LRBA: variants seen among roughly 807,000 people sequenced by gnomAD.
The protein encoded by LRBA is lipopolysaccharide-responsive and beige-like anchor protein.
In LRBA, 176 loss-of-function variants were observed where a neutral mutation model predicts 330.0. The observed-to-expected ratio is 0.53, with a 90% CI of 0.47 to 0.60. LRBA has a LOEUF of 0.60. Among genes scored for constraint, LRBA ranks in the 20% least tolerant of loss-of-function variants. The pLI, the probability that LRBA is intolerant of heterozygous loss-of-function variation, is 0.00. For missense variants in LRBA, 3,259 were observed against 3,444.8 expected, an observed-to-expected ratio of 0.95 and a Z score of 1.35; for synonymous variants, 1,230 against 1,193.0, an observed-to-expected ratio of 1.03 and a Z score of -0.64.
At chr4:150,993,292 A>C (rs948513056) in intron 2 of LRBA, among the ~76,000 whole-genome samples, 1 of 152,232 alleles carries the variant, frequency 6.6e-6, no homozygotes, top group African/African-American at 2.4e-5. Flanking sequence ...GCAGCAAATA[A>C]ATGTGTACAA....
intron 2 of LRBA, among the ~76,000 whole-genome samples, chr4:150,970,186 T>C (rs758103194): frequency 1.3e-5 from 2 of 152,086 alleles, no homozygotes; most frequent in Non-Finnish European, 2.9e-5. Flanking sequence ...TTTTTAGACA[T>C]AATGGTATTA....
chr4:150,421,158 A>AAAG (rs1748723828), intron 46 of LRBA, among the ~76,000 whole-genome samples: 1 of 128,844 alleles, frequency 7.8e-6, no homozygotes, highest in African/African-American at 2.9e-5. Context: ...TATATTATAT[A>AAAG]TAAAGTATAT....
chr4:150,512,560 C>A (rs1001982588), intron 40 of LRBA, among the ~76,000 whole-genome samples: 2 of 151,956 alleles, frequency 1.3e-5, no homozygotes, highest in African/African-American at 2.4e-5. Context: ...AATCAGGAGT[C>A]AGCAGTCTAG....
At chr4:150,829,559 C>T (rs926090307) in intron 29 of LRBA, among the ~76,000 whole-genome samples, 3 of 152,192 alleles carry the variant, frequency 2.0e-5, no homozygotes, top group Non-Finnish European at 4.4e-5. Flanking sequence ...TTCCTTTCCT[C>T]GGCTTTCAGG....
rs1159302707 is a variant in LRBA at position 150,914,481 on chromosome 4, TAGAA to T, written c.1015-144_1015-141del. The T allele has an allele frequency of 7.4e-6, 4 of 543,836 alleles. No homozygotes were observed. In the African/African-American group the frequency reaches 7.7e-5, roughly 11 times the overall value. 33.7% of individuals were successfully genotyped at this position (543,836 alleles called of 1,614,324 possible). On this transcript the variant is annotated intron_variant, in intron 8 of 56. Coordinates refer to ENST00000651943, the MANE Select transcript of LRBA (RefSeq NM_001364905.1). ...AACATAATTTATACCATAAAACCAT[TAGAA>T]AGAATGTTGAAAAATGTGTATGTAA...
At chr4:150,940,721 T>C (rs1735578885) in intron 2 of LRBA, among the ~76,000 whole-genome samples, 1 of 152,176 alleles carries the variant, frequency 6.6e-6, no homozygotes, top group Non-Finnish European at 1.5e-5. Context: ...CAATTCTTTC[T>C]AATCTACTTT....
intron 30 of LRBA, among the ~76,000 whole-genome samples, chr4:150,827,638 TG>T (rs1284041522): frequency 6.6e-6 from 1 of 151,780 alleles, no homozygotes; most frequent in Admixed American, 6.6e-5. Context: ...TCGCTCTTCT[TG>T]CCCAGGCTGG....
chr4:150,640,905 G>A (rs1029437691), intron 37 of LRBA, among the ~76,000 whole-genome samples: 9 of 152,144 alleles, frequency 5.9e-5, no homozygotes, highest in African/African-American at 1.9e-4. Flanking sequence ...CTTATGACCT[G>A]CTTTTATCTG....
At position 150,489,129 on chromosome 4, in the gene LRBA, G is replaced by GAATATAT. The variant is rs1422250209; in HGVS notation, c.6449-1302_6449-1296dup. On this transcript the variant is annotated intron_variant, in intron 41 of 56. Coordinates refer to ENST00000651943, the MANE Select transcript of LRBA (RefSeq NM_001364905.1). The stretch of plus-strand genomic sequence containing the variant: ...ATTATATATCATATATAATATATAA[G>GAATATAT]AATATATAATATATAATATATCAGA... Among the ~76,000 whole-genome samples, 21 of 61,624 alleles carry GAATATAT rather than the reference G, an allele frequency of 3.4e-4. No individual in the cohort carries two copies. In the East Asian group the frequency reaches 0.01, roughly 29 times the overall value. 40.4% of individuals were successfully genotyped at this position (61,624 alleles called of 152,430 possible). A position where few individuals can be genotyped will look rare whatever the true frequency, so the allele number is the denominator to read the frequency against.
At chr4:150,675,053 A>G (rs941474635) in intron 37 of LRBA, among the ~76,000 whole-genome samples, 2 of 152,012 alleles carry the variant, frequency 1.3e-5, no homozygotes, top group Non-Finnish European at 2.9e-5. Flanking sequence ...TTTGTTGCCC[A>G]GAAAGAAAAA....
intron 2 of LRBA, among the ~76,000 whole-genome samples, chr4:151,004,652 T>C (rs550763302): frequency 2.0e-5 from 3 of 152,298 alleles, no homozygotes; most frequent in East Asian, 1.9e-4. Flanking sequence ...AAGCAAAATA[T>C]ATTAAGTTAC....
chr4:150,389,911 ATTTTTTT>A (rs34355782), intron 47 of LRBA, among the ~76,000 whole-genome samples: 3 of 111,718 alleles, frequency 2.7e-5, no homozygotes, highest in African/African-American at 6.6e-5. Flanking sequence ...TTGTCTGGGT[ATTTTTTT>A]TTTTTTTTTT....
In LRBA at chr4:150,864,641, G is replaced by A. The variant is rs1379403283; in HGVS notation, c.2766+3030C>T. Among the ~76,000 whole-genome samples the A allele has an allele frequency of 2.0e-4, 20 of 100,912 alleles. No homozygotes were observed. The South Asian group carries it at 5.9e-3, about 30-fold the overall frequency. 66.2% of individuals were successfully genotyped at this position (100,912 alleles called of 152,430 possible). ...CCATGAAAAGCTCTCATGGGCCCAC[G>A]TTCTTTTTTTTTTTTTTTTTTTTGA... On this transcript the variant is annotated intron_variant, in intron 22 of 56. Transcript: ENST00000651943.
At chr4:150,478,043 G>C (rs1255504784) in intron 42 of LRBA, among the ~76,000 whole-genome samples, 1 of 152,066 alleles carries the variant, frequency 6.6e-6, no homozygotes, top group East Asian at 1.9e-4. Context: ...GTTTTTGGGA[G>C]GGCAGGGATG....
Position 150,852,409 on chromosome 4 carries a change from T to G in LRBA, c.3301A>C (p.Ile1101Leu), listed in dbSNP as rs780586512. The change falls in exon 23 of 57, where the codon ATA becomes CTA. Residue 1101 changes from isoleucine to leucine, a missense_variant. By Grantham distance (5) the Ile-to-Leu change is conservative. Transcript: ENST00000651943. ...SEMPEFLDKS[I>L]VEEEEDDDYV... ...TCATCATCTTCCTCTTCCTCTACTA[T>G]AGATTTATCCAAGAATTCTGGCATC... 6.2e-7 allele frequency: 1 copy of G among 1,613,502 alleles called. No individual in the cohort carries two copies. Among genetic ancestry groups the G allele is most frequent in the Non-Finnish European group, 8.5e-7 (1 of 1,179,974 alleles).
intron 34 of LRBA, among the ~76,000 whole-genome samples, chr4:150,771,795 C>T (rs1319161587): frequency 1.3e-5 from 2 of 152,176 alleles, no homozygotes; most frequent in Non-Finnish European, 2.9e-5. Context: ...ACCTCCATCC[C>T]TGCCACCATG....
intron 37 of LRBA, among the ~76,000 whole-genome samples, chr4:150,622,183 AT>A (rs1176275173): frequency 6.6e-6 from 1 of 152,228 alleles, no homozygotes; most frequent in Non-Finnish European, 1.5e-5. Flanking sequence ...TGTTTAGAAT[AT>A]TTAAAGATAT....
intron 47 of LRBA, among the ~76,000 whole-genome samples, chr4:150,363,860 T>A (rs1739062580): frequency 6.6e-6 from 1 of 152,222 alleles, no homozygotes; most frequent in African/African-American, 2.4e-5. Flanking sequence ...AGGGACTAGA[T>A]CTTAAAGCAC....
At chr4:150,419,901 G>A (rs1044478719) in intron 46 of LRBA, among the ~76,000 whole-genome samples, 2 of 149,888 alleles carry the variant, frequency 1.3e-5, no homozygotes, top group African/African-American at 4.9e-5. Context: ...GCCTCCCAAA[G>A]TGCTGGGATT....
Sources: allele counts gnomAD v4.1 joint callset (sites outside exome capture counted in the v4.1 genomes callset), GRCh38; gene constraint gnomAD v4.1.1; transcripts MANE v1.5; gene names NCBI Gene and HGNC (gene_info 2026-07-23, HGNC 2026-07-21).